The following VSTM4 variants were observed in gnomAD, a reference collection of about 807,000 sequenced individuals.
VSTM4 encodes the protein V-set and transmembrane domain-containing protein 4.
VSTM4 carries 20 observed loss-of-function variants against 36.4 expected under a neutral mutation model. That is an observed-to-expected ratio of 0.55 (90% confidence interval 0.39 to 0.80). VSTM4 has a LOEUF of 0.80. Ranked by LOEUF, VSTM4 falls within the 30% of genes least tolerant of loss-of-function variation. The pLI, the probability that VSTM4 is intolerant of heterozygous loss-of-function variation, is 0.00. For synonymous variants in VSTM4, 182 were observed against 173.9 expected, an observed-to-expected ratio of 1.05 and a Z score of -0.37; for missense variants, 392 against 404.5, an observed-to-expected ratio of 0.97 and a Z score of 0.26.
chr10:49,064,668 A>C, intron 5 of VSTM4, 35 bp downstream of exon 5: 1 of 1,595,850 alleles, frequency 6.3e-7, no homozygotes, highest in Non-Finnish European at 8.5e-7. Flanking sequence ...AATGGCAAAG[A>C]GTTTCATCTG....
chr10:49,093,386 G>A (rs549630502), intron 2 of VSTM4, among the ~76,000 whole-genome samples: 3 of 152,150 alleles, frequency 2.0e-5, no homozygotes, highest in South Asian at 2.1e-4. Flanking sequence ...AACTTTTCCC[G>A]TTTCAAAAGG....
chr10:49,089,868 A>G (rs1844441643), intron 2 of VSTM4, among the ~76,000 whole-genome samples: 1 of 152,232 alleles, frequency 6.6e-6, no homozygotes, highest in African/African-American at 2.4e-5. Flanking sequence ...GACTATGAGG[A>G]AACAGAGCTG....
Position 49,064,712 on chromosome 10 carries a change from G to T in VSTM4, c.659C>A (p.Pro220His), listed in dbSNP as rs771781218. The T allele has an allele frequency of 3.7e-6, 6 of 1,612,628 alleles. No individual in the cohort carries two copies. The highest frequency in any genetic ancestry group is 5.1e-6 in the Non-Finnish European group (6 of 1,179,620). Residue 220 changes from proline (P) to histidine (H), a missense_variant, in exon 5 of 8, where the codon CCT (proline) becomes CAT (histidine). Physicochemically the swap from Pro to His is moderately conservative, Grantham distance 77. Transcript: ENST00000332853. ...AAGAAAATATTCTTACCTGTTCTGA[G>T]GGCATTTCACCAAATAATGTCTCAC... ...SRVRHYLVKCPQNSSGETVTS... is the reference protein window; with the variant it reads ...SRVRHYLVKCHQNSSGETVTS...
chr10:49,074,528 G>T (rs1422914636), intron 4 of VSTM4, among the ~76,000 whole-genome samples: 1 of 152,156 alleles, frequency 6.6e-6, no homozygotes, highest in African/African-American at 2.4e-5. Flanking sequence ...TTTTGGGGAG[G>T]GCTGCTCTAA....
At chr10:49,104,685 G>A (rs7067828) in intron 2 of VSTM4, among the ~76,000 whole-genome samples, 8,744 of 152,278 alleles carry the variant, frequency 0.057, 847 homozygotes, top group African/African-American at 0.2. Flanking sequence ...GGCAAGGGAG[G>A]CTGAGCTCCG....
chr10:49,070,423 A>G (rs890833829), intron 4 of VSTM4, among the ~76,000 whole-genome samples: 15 of 149,974 alleles, frequency 1.0e-4, no homozygotes, highest in Admixed American at 8.0e-4. Flanking sequence ...AAAAAAAAAA[A>G]TGGTCAGATC....
At chr10:49,046,855 T>G in intron 7 of VSTM4, 128 bp downstream of exon 7, 3 of 897,340 alleles carry the variant, frequency 3.3e-6, no homozygotes, top group Non-Finnish European at 5.4e-6. Flanking sequence ...GAATAGAGAA[T>G]GTTTTTGTTT....
At chr10:49,084,955 G>T (rs895537393) in intron 3 of VSTM4, among the ~76,000 whole-genome samples, 1 of 152,226 alleles carries the variant, frequency 6.6e-6, no homozygotes, top group Non-Finnish European at 1.5e-5. Flanking sequence ...GCCACTAGAT[G>T]CCAGGAGTAC....
chr10:49,057,609 C>G (rs148214983), intron 5 of VSTM4, among the ~76,000 whole-genome samples: 1 of 152,186 alleles, frequency 6.6e-6, no homozygotes, highest in South Asian at 2.1e-4. Context: ...CTGCCCTCCC[C>G]ACTCCCACCC....
intron 1 of VSTM4, among the ~76,000 whole-genome samples, 187 bp downstream of exon 1, chr10:49,115,244 G>A (rs1307204882): frequency 6.6e-6 from 1 of 151,844 alleles, no homozygotes; most frequent in Non-Finnish European, 1.5e-5. Context: ...GAACCTTGGG[G>A]AGGCGCCGCT....
At chr10:49,071,430 C>T (rs1319683233) in intron 4 of VSTM4, among the ~76,000 whole-genome samples, 1 of 152,164 alleles carries the variant, frequency 6.6e-6, no homozygotes, top group East Asian at 1.9e-4. Flanking sequence ...GCACTGCGGG[C>T]ACAACAAAGA....
intron 3 of VSTM4, among the ~76,000 whole-genome samples, chr10:49,078,480 A>T (rs1401438110): frequency 9.5e-6 from 1 of 105,400 alleles, no homozygotes; most frequent in Non-Finnish European, 2.4e-5. Flanking sequence ...AACTATCGAC[A>T]CACACACCAA....
chr10:49,049,946 A>G (rs1344261230), intron 5 of VSTM4, among the ~76,000 whole-genome samples: 1 of 152,218 alleles, frequency 6.6e-6, no homozygotes, highest in African/African-American at 2.4e-5. Context: ...TTTCATTTCC[A>G]GGAATTCGTT....
intron 4 of VSTM4, among the ~76,000 whole-genome samples, chr10:49,075,450 G>A (rs931479142): frequency 1.3e-5 from 2 of 152,394 alleles, no homozygotes; most frequent in African/African-American, 2.4e-5. Context: ...ACATTCCAAG[G>A]AGAATGAATT....
intron 2 of VSTM4, among the ~76,000 whole-genome samples, chr10:49,092,602 C>CA (rs1844495360): frequency 6.6e-6 from 1 of 152,074 alleles, no homozygotes; most frequent in South Asian, 2.1e-4. Flanking sequence ...GGGGAAGGGG[C>CA]GTGCTGGGTA....
intron 7 of VSTM4, among the ~76,000 whole-genome samples, chr10:49,026,207 C>T (rs1254278572): frequency 2.6e-5 from 4 of 152,084 alleles, no homozygotes; most frequent in East Asian, 1.9e-4. Flanking sequence ...GAAAACAGAC[C>T]GAGGAGCCTA....
chr10:49,114,697 A>T (rs1397032929), intron 1 of VSTM4, among the ~76,000 whole-genome samples: 1 of 152,118 alleles, frequency 6.6e-6, no homozygotes, highest in Non-Finnish European at 1.5e-5. Flanking sequence ...GTGACCATCG[A>T]TACCTGTATT....
intron 7 of VSTM4, among the ~76,000 whole-genome samples, chr10:49,038,805 A>C (rs1428510837): frequency 1.3e-5 from 2 of 152,204 alleles, no homozygotes; most frequent in East Asian, 3.9e-4. Flanking sequence ...GACCCCCGTT[A>C]GGGGACCAAT....
intron 7 of VSTM4, among the ~76,000 whole-genome samples, chr10:49,027,317 A>C (rs1439397877): frequency 6.6e-6 from 1 of 152,180 alleles, no homozygotes; most frequent in Non-Finnish European, 1.5e-5. Context: ...CTATGTTCTC[A>C]AATGTGTGCC....
Sources: allele counts gnomAD v4.1 joint callset (sites outside exome capture counted in the v4.1 genomes callset), GRCh38; gene constraint gnomAD v4.1.1; transcripts MANE v1.5; gene names NCBI Gene and HGNC (gene_info 2026-07-23, HGNC 2026-07-21).